Variants in GRIK4 observed in about 807,000 individuals in gnomAD.
The protein encoded by GRIK4 is glutamate receptor ionotropic, kainate 4.
Under a neutral mutation model 104.9 loss-of-function variants are expected in GRIK4, and 40 were observed. That is an observed-to-expected ratio of 0.38 (90% confidence interval 0.30 to 0.50). The LOEUF is 0.50. Ranked by LOEUF, GRIK4 falls within the 20% of genes least tolerant of loss-of-function variation. The probability of loss-of-function intolerance (pLI) is 0.93; values close to 1 mark genes in which losing one functional copy is unlikely to be tolerated. For missense variants in GRIK4, 1,047 were observed against 1,308.1 expected (o/e 0.80, Z 3.08); for synonymous variants, 485 against 524.9 (o/e 0.92, Z 1.04).
At chr11:120,687,731 G>T (rs1219259233) in intron 3 of GRIK4, among the ~76,000 whole-genome samples, 3 of 152,176 alleles carry the variant, frequency 2.0e-5, no homozygotes, top group African/African-American at 7.2e-5. Flanking sequence ...TCCCTGCCGG[G>T]TTGTGTTTTG....
intron 3 of GRIK4, among the ~76,000 whole-genome samples, chr11:120,726,506 C>T (rs755995967): frequency 5.3e-5 from 8 of 152,148 alleles, no homozygotes; most frequent in Non-Finnish European, 1.2e-4. Flanking sequence ...ACTCCACATC[C>T]ATTAATCACG....
intron 13 of GRIK4, among the ~76,000 whole-genome samples, chr11:120,924,605 A>G (rs1943301820): frequency 6.6e-6 from 1 of 151,982 alleles, no homozygotes; most frequent in East Asian, 1.9e-4. Context: ...TTCACTCTCT[A>G]CACCTTTCGT....
At chr11:120,981,978 G>A in intron 19 of GRIK4, 128 bp from the exon 20 acceptor site, 1 of 702,290 alleles carries the variant, frequency 1.4e-6, no homozygotes, top group Non-Finnish European at 2.6e-6. Context: ...TCAAGTAGAT[G>A]CATGGGTGTC....
chr11:120,791,761 C>T (rs1411575942), intron 3 of GRIK4, among the ~76,000 whole-genome samples: 4 of 152,062 alleles, frequency 2.6e-5, no homozygotes, highest in Non-Finnish European at 5.9e-5. Context: ...TTAATTTTTG[C>T]ATATGGCATG....
intron 19 of GRIK4, among the ~76,000 whole-genome samples, chr11:120,970,897 C>T: frequency 6.6e-6 from 1 of 152,242 alleles, no homozygotes; most frequent in South Asian, 2.1e-4. Context: ...GACATTGGGT[C>T]AAATGGACTT....
chr11:120,586,981 GT>G (rs1206650322), intron 1 of GRIK4, among the ~76,000 whole-genome samples: 8 of 152,324 alleles, frequency 5.3e-5, no homozygotes, highest in African/African-American at 1.4e-4. Flanking sequence ...ATGTGATGCT[GT>G]TTCTTCGCTC....
chr11:120,832,179 C>T (rs1350206203), intron 7 of GRIK4, 149 bp downstream of exon 7: 15 of 553,972 alleles, frequency 2.7e-5, no homozygotes, highest in South Asian at 6.0e-5. Context: ...TTTCAATGAG[C>T]GGTTCCCGAA....
Position 120,898,703 on chromosome 11 carries a change from TCA to T in GRIK4, c.1272+67_1272+68del, listed in dbSNP as rs569187535. 374 of 865,886 alleles carry T rather than the reference TCA, an allele frequency of 4.3e-4. 1 individual carries two copies. In the African/African-American group the frequency reaches 5.6e-3, roughly 13 times the overall value. The allele number at this position is 865,886 out of a possible 1,614,324, so 53.6% of individuals were successfully genotyped here. On this transcript the variant is annotated intron_variant, in intron 12 of 20. Coordinates refer to ENST00000527524, the MANE Select transcript of GRIK4 (RefSeq NM_014619.5). Reference sequence around the variant, plus strand: ...GGGGTGCCTCCCCGGCTCTGAGCACTCACAGGCTGCCCCTTGAACAGAAGATG... The same window carrying T: ...GGGGTGCCTCCCCGGCTCTGAGCACTCAGGCTGCCCCTTGAACAGAAGATG...
intron 8 of GRIK4, among the ~76,000 whole-genome samples, chr11:120,849,992 T>C (rs1301607898): frequency 6.6e-6 from 1 of 152,114 alleles, no homozygotes; most frequent in African/African-American, 2.4e-5. Context: ...TCTACTTCCT[T>C]GTGGTTATAG....
At chr11:120,866,861 G>A (rs1232898064) in intron 9 of GRIK4, among the ~76,000 whole-genome samples, 2 of 152,186 alleles carry the variant, frequency 1.3e-5, no homozygotes, top group Non-Finnish European at 2.9e-5. Flanking sequence ...CCACCCCACT[G>A]GGTTTCACCT....
chr11:120,719,993 TAA>T (rs112426695), intron 3 of GRIK4, among the ~76,000 whole-genome samples: 9 of 141,464 alleles, frequency 6.4e-5, no homozygotes, highest in Admixed American at 7.1e-5. Flanking sequence ...TAAGGTAGAT[TAA>T]AAAAAAAAAA....
intron 1 of GRIK4, among the ~76,000 whole-genome samples, chr11:120,612,561 A>G (rs1167106130): frequency 2.0e-5 from 3 of 152,138 alleles, no homozygotes; most frequent in Non-Finnish European, 4.4e-5. Context: ...AGAATTGACT[A>G]AGCCTGAGTC....
chr11:120,746,138 AG>A, intron 3 of GRIK4, among the ~76,000 whole-genome samples: 1 of 152,326 alleles, frequency 6.6e-6, no homozygotes, highest in Non-Finnish European at 1.5e-5. Context: ...CATAAATGTC[AG>A]TGTCTTTATT....
intron 3 of GRIK4, among the ~76,000 whole-genome samples, chr11:120,704,488 C>A (rs182658405): frequency 2.0e-5 from 3 of 152,174 alleles, no homozygotes; most frequent in Admixed American, 2.0e-4. Context: ...ATCTCAGCTT[C>A]GAAGCCTGCA....
At chr11:120,825,705 ACACGGAG>A (rs1235159546) in intron 6 of GRIK4, among the ~76,000 whole-genome samples, 1 of 152,238 alleles carries the variant, frequency 6.6e-6, no homozygotes, top group Admixed American at 6.5e-5. Context: ...GAGCTGTGTG[ACACGGAG>A]CAGGTCAATC....
chr11:120,556,988 A>G (rs1466279489), intron 1 of GRIK4, among the ~76,000 whole-genome samples: 1 of 151,724 alleles, frequency 6.6e-6, no homozygotes, highest in Non-Finnish European at 1.5e-5. Flanking sequence ...GTGAGTTAAC[A>G]TCCCTCCTGA....
At chr11:120,833,894 A>T (rs1039725601) in intron 7 of GRIK4, among the ~76,000 whole-genome samples, 7 of 152,120 alleles carry the variant, frequency 4.6e-5, no homozygotes, top group African/African-American at 1.7e-4. Context: ...TCCCCATGTC[A>T]TTAAACATTT....
At chr11:120,686,487 C>T (rs1320051863) in intron 3 of GRIK4, among the ~76,000 whole-genome samples, 1 of 152,218 alleles carries the variant, frequency 6.6e-6, no homozygotes, top group Non-Finnish European at 1.5e-5. Context: ...CATGGCCTTA[C>T]AATAGTTGTA....
At chr11:120,713,461 G>A (rs1950774885) in intron 3 of GRIK4, among the ~76,000 whole-genome samples, 1 of 152,218 alleles carries the variant, frequency 6.6e-6, no homozygotes, top group Non-Finnish European at 1.5e-5. Context: ...TTGCGTCACT[G>A]ACATTGGGCT....
Sources: allele counts gnomAD v4.1 joint callset (sites outside exome capture counted in the v4.1 genomes callset), GRCh38; gene constraint gnomAD v4.1.1; transcripts MANE v1.5; gene names NCBI Gene and HGNC (gene_info 2026-07-23, HGNC 2026-07-21).